Variants in CFAP251 observed in about 807,000 individuals in gnomAD.
CFAP251 encodes cilia and flagella associated protein 251.
Under a neutral mutation model 126.7 loss-of-function variants are expected in CFAP251, and 93 were observed. That is an observed-to-expected ratio of 0.73 (90% CI 0.62 to 0.87). The LOEUF (loss-of-function observed/expected upper bound fraction) is 0.87, where lower values mean the gene tolerates loss of function less well. CFAP251 is among the 40% of genes least tolerant of loss of function. The pLI is 0.00. For missense variants in CFAP251, 1,287 were observed against 1,389.2 expected (o/e 0.93, Z 1.17); for synonymous variants, 503 against 506.9 (o/e 0.99, Z 0.10).
chr12:122,003,538 A>G lies in CFAP251; in HGVS notation c.3338-114A>G, dbSNP rs149916333. ...CAGTGAGCTATGATCGTGTCACTGC[A>G]CTCCAGCCTGGGCAACAGAGCAAGG... On this transcript the variant is annotated intron_variant, in intron 21 of 21. Transcript: ENST00000288912. 916 of 726,214 alleles carry G rather than the reference A, an allele frequency of 1.3e-3. 6 individuals are homozygous for G. In the African/African-American group the frequency reaches 0.015, roughly 12 times the overall value. The allele number at this position is 726,214 out of a possible 1,614,324, so 45.0% of individuals were successfully genotyped here.
At chr12:121,972,594 T>C (rs561269854) in intron 17 of CFAP251, among the ~76,000 whole-genome samples, 1 of 152,164 alleles carries the variant, frequency 6.6e-6, no homozygotes, top group Admixed American at 6.5e-5. Flanking sequence ...GTTCAAGTGA[T>C]TCTCCTGCCT....
chr12:121,924,080 C>T, intron 3 of CFAP251, 90 bp downstream of exon 3: 7 of 1,395,466 alleles, frequency 5.0e-6, no homozygotes, highest in Non-Finnish European at 6.8e-6. Context: ...AAAAGAATAC[C>T]ACCAGAAGGA....
intron 17 of CFAP251, chr12:121,971,555 C>G: frequency 1.4e-6 from 1 of 702,854 alleles, no homozygotes; most frequent in Admixed American, 2.0e-5. Flanking sequence ...TTCATCCTGA[C>G]AGCCATCCTG....
chr12:121,980,701 C>A (rs1774012366), intron 19 of CFAP251, among the ~76,000 whole-genome samples: 1 of 152,164 alleles, frequency 6.6e-6, no homozygotes, highest in Admixed American at 6.5e-5. Context: ...TCTCACTGTT[C>A]CCACGGCCGC....
In CFAP251 at chr12:121,942,643, C is replaced by T; in HGVS notation, c.1108C>T (p.Gln370Ter). ...GGCAACCATCTCAGATGCTGAAGTC[C>T]AGGTAAAGGCCCTGGCCCTTTGGGT... ...YLATISDAEVQKVCIWKWTLA... is the reference protein window; with the variant it reads ...YLATISDAEV Residue 370 changes from glutamine to a stop codon, truncating the protein, a stop_gained and splice_region_variant, in exon 6 of 22, where the codon CAG (glutamine) becomes TAG (stop). Coordinates refer to ENST00000288912, the MANE Select transcript of CFAP251 (RefSeq NM_144668.6). LOFTEE classifies it high-confidence loss of function. 2.5e-6 allele frequency: 4 copies of T among 1,610,974 alleles called. No individual in the cohort carries two copies. Among genetic ancestry groups the T allele is most frequent in the Non-Finnish European group, 3.4e-6 (4 of 1,179,534 alleles).
chr12:121,975,139 G>A (rs1440838040), intron 17 of CFAP251, 105 bp from the exon 18 acceptor site: 5 of 848,166 alleles, frequency 5.9e-6, no homozygotes, highest in African/African-American at 1.7e-5. Context: ...AACTGTATCT[G>A]TGCTGTGATA....
At chr12:121,950,359 T>C (rs1003660768) in intron 8 of CFAP251, 1 of 152,168 alleles carries the variant, frequency 6.6e-6, no homozygotes, top group Non-Finnish European at 1.5e-5. Flanking sequence ...CTTTTGGGGT[T>C]ATGAAAATGT....
At chr12:121,976,034 A>C (rs894880839) in intron 19 of CFAP251, among the ~76,000 whole-genome samples, 2 of 136,096 alleles carry the variant, frequency 1.5e-5, no homozygotes, top group Non-Finnish European at 3.1e-5. Context: ...TTTGAGGTGG[A>C]GTCTCCCTCT....
chr12:121,961,507 G>T (rs1367061281), intron 14 of CFAP251, among the ~76,000 whole-genome samples: 2 of 152,124 alleles, frequency 1.3e-5, no homozygotes, highest in East Asian at 1.9e-4. Context: ...GTTGGGCTGA[G>T]ATTTAGATAT....
chr12:121,995,328 GT>G (rs1206930500), intron 19 of CFAP251, among the ~76,000 whole-genome samples: 1 of 152,158 alleles, frequency 6.6e-6, no homozygotes, highest in Non-Finnish European at 1.5e-5. Context: ...ACTGGATAGT[GT>G]TTTTTCCTAC....
Position 121,928,650 on chromosome 12 carries a change from A to ACG in CFAP251, c.748-3096_748-3095insCG, listed in dbSNP as rs1332436640. On this transcript the variant is annotated intron_variant, in intron 3 of 21. Transcript: ENST00000288912. ...TGTATATATATACGTATATATATAT[A>ACG]TATATACGTATATATATACGTATAT... Among the ~76,000 whole-genome samples the ACG allele has an allele frequency of 5.8e-4, 19 of 32,542 alleles. 2 individuals are homozygous for ACG. Among genetic ancestry groups the ACG allele is most frequent in the African/African-American group, 9.5e-4 (19 of 20,082 alleles). 21.3% of individuals were successfully genotyped at this position (32,542 alleles called of 152,430 possible).
chr12:121,960,511 C>T lies in CFAP251; in HGVS notation c.2134-74C>T, dbSNP rs562585706. The T allele has an allele frequency of 6.0e-4, 937 of 1,550,880 alleles. 8 individuals are homozygous for T. The South Asian group carries it at 0.01, about 17-fold the overall frequency. On this transcript the variant is annotated intron_variant, in intron 13 of 21. Transcript: ENST00000288912. ...GGGATTACAGGCGTGAGCCACCGCG[C>T]CTGGCCCATAATGATGATTCTTAAT...
At chr12:122,002,574 GAGA>G (rs1357441714) in intron 21 of CFAP251, among the ~76,000 whole-genome samples, 8 of 152,006 alleles carry the variant, frequency 5.3e-5, no homozygotes, top group Non-Finnish European at 1.0e-4. Context: ...GAAAGATTTG[GAGA>G]AGGAGAGAGC....
chr12:122,001,344 C>A (rs1229404448), intron 20 of CFAP251, among the ~76,000 whole-genome samples, 153 bp from the exon 21 acceptor site: 1 of 151,962 alleles, frequency 6.6e-6, no homozygotes, highest in African/African-American at 2.4e-5. Flanking sequence ...GCATGAGCCA[C>A]CACGCCCAGC....
chr12:121,999,808 G>T lies in CFAP251; in HGVS notation c.3099G>T (p.Val1033=). ...TCAACTTACCAGATTTCCTAAAAGT[G>T]TACCTTAACCACAAGCCACCTTTTG... is the stretch of plus-strand genomic sequence containing the variant. The part of the protein sequence containing the change: ...DKINLPDFLK[V]YLNHKPPFGN... Residue 1033 remains valine, a synonymous_variant, in exon 20 of 22, where the codon GTG becomes GTT. Coordinates refer to ENST00000288912, the MANE Select transcript of CFAP251 (RefSeq NM_144668.6). 6.2e-7 allele frequency: 1 copy of T among 1,614,078 alleles called. No homozygotes were observed. Among genetic ancestry groups the T allele is most frequent in the South Asian group, 1.1e-5 (1 of 91,080 alleles).
At chr12:121,967,109 G>A (rs767904188) in intron 16 of CFAP251, 40 bp downstream of exon 16, 1 of 1,561,492 alleles carries the variant, frequency 6.4e-7, no homozygotes, top group African/African-American at 1.4e-5. Flanking sequence ...AGTTGACTCT[G>A]TGTGTCATGA....
chr12:121,921,784 A>G, intron 2 of CFAP251, 101 bp downstream of exon 2: 5 of 1,170,766 alleles, frequency 4.3e-6, no homozygotes, highest in South Asian at 3.5e-5. Context: ...ATAAGGTACA[A>G]TCCATTCCTT....
intron 18 of CFAP251, 69 bp downstream of exon 18, chr12:121,975,403 G>T (rs1882432858): frequency 2.5e-6 from 4 of 1,574,812 alleles, no homozygotes; most frequent in Non-Finnish European, 3.5e-6. Context: ...TGTGCCCAGG[G>T]TTAACCTTGC....
intron 6 of CFAP251, 53 bp from the exon 7 acceptor site, chr12:121,942,842 T>C: frequency 6.3e-7 from 1 of 1,596,932 alleles, no homozygotes; most frequent in Non-Finnish European, 8.6e-7. Flanking sequence ...TGTAAGTTAC[T>C]TCAGCAGACT....
Sources: allele counts gnomAD v4.1 joint callset (sites outside exome capture counted in the v4.1 genomes callset), GRCh38; gene constraint gnomAD v4.1.1; transcripts MANE v1.5; gene names NCBI Gene and HGNC (gene_info 2026-07-23, HGNC 2026-07-21).